RAB3C: variants seen among roughly 807,000 people sequenced by gnomAD.
The protein encoded by RAB3C is RAB3C, member RAS oncogene family.
In RAB3C, 17 loss-of-function variants were observed where a neutral mutation model predicts 26.4. The observed-to-expected ratio is 0.64, with a 90% confidence interval of 0.44 to 0.97. The LOEUF is 0.97. Ranked by LOEUF, RAB3C falls within the 50% of genes least tolerant of loss-of-function variation. The pLI is 0.00. For missense variants in RAB3C, 242 were observed against 281.9 expected (o/e 0.86, Z 1.01); for synonymous variants, 91 against 95.9 (o/e 0.95, Z 0.30).
At chr5:58,738,089 A>T (rs1741190965) in intron 3 of RAB3C, among the ~76,000 whole-genome samples, 1 of 152,126 alleles carries the variant, frequency 6.6e-6, no homozygotes, top group African/African-American at 2.4e-5. Context: ...ATGCCATGTA[A>T]CCTGATGGGA....
intron 3 of RAB3C, among the ~76,000 whole-genome samples, chr5:58,726,352 T>C (rs964825293): frequency 2.6e-5 from 4 of 152,044 alleles, no homozygotes; most frequent in Non-Finnish European, 5.9e-5. Flanking sequence ...TCCAGTGCTT[T>C]GCATTTTGTC....
intron 3 of RAB3C, among the ~76,000 whole-genome samples, chr5:58,763,430 C>CT (rs1741836759): frequency 6.6e-6 from 1 of 152,162 alleles, no homozygotes; most frequent in African/African-American, 2.4e-5. Context: ...TCCAAAAATG[C>CT]TTTTTATCTG....
chr5:58,608,141 T>C lies in RAB3C; in HGVS notation c.25-9502T>C, dbSNP rs1191618625. 4.6e-5 allele frequency among the ~76,000 whole-genome samples: 7 copies of C among 152,018 alleles called. No individual in the cohort carries two copies. The East Asian group carries it at 1.2e-3, about 25-fold the overall frequency. ...CAATTAAAAGACACAGACTGGCAAA[T>C]TGGATAAAGAGTCCAAACCCATCAG... On this transcript the variant is annotated intron_variant, in intron 1 of 4. Transcript: ENST00000282878.
chr5:58,641,654 C>G (rs1480378221), intron 2 of RAB3C, among the ~76,000 whole-genome samples: 1 of 152,164 alleles, frequency 6.6e-6, no homozygotes, highest in Non-Finnish European at 1.5e-5. Context: ...AGCAAACAAA[C>G]CTTCTGCAGG....
At chr5:58,601,595 T>C (rs563923996) in intron 1 of RAB3C, among the ~76,000 whole-genome samples, 141 of 152,294 alleles carry the variant, frequency 9.3e-4, no homozygotes, top group African/African-American at 3.1e-3. Flanking sequence ...TTTCCAGGAA[T>C]TTATCCATCT....
chr5:58,634,045 G>A (rs571145315), intron 2 of RAB3C, among the ~76,000 whole-genome samples: 3 of 151,802 alleles, frequency 2.0e-5, no homozygotes, highest in Non-Finnish European at 4.4e-5. Context: ...GGAGGCTGAG[G>A]CAGGAGAATG....
At position 58,588,964 on chromosome 5, in the gene RAB3C, A is replaced by G. The variant is rs78508145; in HGVS notation, c.24+5732A>G. Among the ~76,000 whole-genome samples, 380 of 152,286 alleles carry G rather than the reference A, an allele frequency of 2.5e-3. 12 individuals carry two copies. The East Asian group carries it at 0.07, about 28-fold the overall frequency. On this transcript the variant is annotated intron_variant, in intron 1 of 4. Transcript: ENST00000282878. Reference sequence around the variant, plus strand: ...TGTTGAATAGACGTGATGACAGCGGACATCCTTATCTTGTTCCCCATTTTA... The same window carrying G: ...TGTTGAATAGACGTGATGACAGCGGGCATCCTTATCTTGTTCCCCATTTTA...
intron 4 of RAB3C, chr5:58,848,449 G>A (rs1744048794): frequency 6.6e-6 from 1 of 152,202 alleles, no homozygotes; most frequent in African/African-American, 2.4e-5. Context: ...GCAGGAGAGT[G>A]TACAAGTTAG....
chr5:58,622,863 C>T (rs413605), intron 2 of RAB3C, among the ~76,000 whole-genome samples: 37,808 of 152,042 alleles, frequency 0.25, 4,951 homozygotes, highest in Admixed American at 0.31. Flanking sequence ...GGGCACTGAG[C>T]GCAAAGCCCA....
intron 2 of RAB3C, among the ~76,000 whole-genome samples, chr5:58,628,156 CAAAAA>C (rs58277302): frequency 1.4e-5 from 1 of 71,468 alleles, no homozygotes. Context: ...GACTCCGTCT[CAAAAA>C]AAAAAAAAAA....
intron 4 of RAB3C, among the ~76,000 whole-genome samples, chr5:58,845,647 T>C (rs140559915): frequency 1.2e-4 from 17 of 143,418 alleles, no homozygotes; most frequent in African/African-American, 4.4e-4. Context: ...TATATATACA[T>C]ATATATACAT....
At chr5:58,717,534 C>G (rs1324616783) in intron 2 of RAB3C, among the ~76,000 whole-genome samples, 6 of 152,114 alleles carry the variant, frequency 3.9e-5, no homozygotes, top group Admixed American at 3.3e-4. Flanking sequence ...TGTTAGGGCT[C>G]TCTCGCTGCA....
chr5:58,857,527 C>A lies in RAB3C; in HGVS notation c.*6176C>A, dbSNP rs142152626. On this transcript the variant is annotated 3_prime_UTR_variant, in exon 5 of 5. Coordinates refer to ENST00000282878, the MANE Select transcript of RAB3C (RefSeq NM_138453.4). ...GTGCATTAGGAAAAGTCATGTTTTT[C>A]TTCTCAGAAAGGTTGATCACATGAC... The A allele has an allele frequency of 1.9e-4, 29 of 152,218 alleles. No homozygotes were observed. In the East Asian group the frequency reaches 4.6e-3, roughly 24 times the overall value. The allele number at this position is 152,218 out of a possible 1,614,324, so 9.4% of individuals were successfully genotyped here.
In RAB3C at chr5:58,833,919, A is replaced by G. The variant is rs1475893159; in HGVS notation, c.496+8757A>G. On this transcript the variant is annotated intron_variant, in intron 4 of 4. Coordinates refer to ENST00000282878, the MANE Select transcript of RAB3C (RefSeq NM_138453.4). ...GAGGCTCTTTAGGAAGAAAAAGACA[A>G]CATTGCATATTGCATAGAGAGGTGA... is the stretch of plus-strand genomic sequence containing the variant. Among the ~76,000 whole-genome samples the G allele has an allele frequency of 2.6e-5, 4 of 152,238 alleles. No individual in the cohort carries two copies. The East Asian group carries it at 7.7e-4, about 29-fold the overall frequency.
chr5:58,696,889 T>C (rs570399455), intron 2 of RAB3C, among the ~76,000 whole-genome samples: 7 of 152,280 alleles, frequency 4.6e-5, no homozygotes, highest in African/African-American at 1.7e-4. Flanking sequence ...GATTCATTGA[T>C]TTTTTGAAGG....
chr5:58,599,847 A>G (rs771964098), intron 1 of RAB3C, among the ~76,000 whole-genome samples: 5 of 151,952 alleles, frequency 3.3e-5, no homozygotes, highest in African/African-American at 1.2e-4. Context: ...AAAGCTCTTT[A>G]GTTTAATTAG....
intron 3 of RAB3C, among the ~76,000 whole-genome samples, chr5:58,742,603 C>T (rs748277044): frequency 2.6e-5 from 4 of 152,308 alleles, no homozygotes; most frequent in South Asian, 2.1e-4. Context: ...AACTTGAAAA[C>T]ATAGATGCTT....
At chr5:58,595,702 T>C (rs1746232031) in intron 1 of RAB3C, among the ~76,000 whole-genome samples, 1 of 152,174 alleles carries the variant, frequency 6.6e-6, no homozygotes, top group Admixed American at 6.6e-5. Flanking sequence ...AGAATTTTGG[T>C]TCTAGTGTAC....
At chr5:58,699,749 C>T (rs1409558927) in intron 2 of RAB3C, among the ~76,000 whole-genome samples, 2 of 152,212 alleles carry the variant, frequency 1.3e-5, no homozygotes, top group East Asian at 3.9e-4. Context: ...AGCAAGGCCC[C>T]ATGGGCATGG....
Sources: allele counts gnomAD v4.1 joint callset (sites outside exome capture counted in the v4.1 genomes callset), GRCh38; gene constraint gnomAD v4.1.1; transcripts MANE v1.5; gene names NCBI Gene and HGNC (gene_info 2026-07-23, HGNC 2026-07-21).